The following TDRD5 variants were observed in gnomAD, a reference collection of about 807,000 sequenced individuals.
TDRD5 encodes tudor domain-containing protein 5.
A neutral mutation model predicts 120.6 loss-of-function variants in TDRD5; 41 were observed. The ratio of observed to expected loss-of-function variants is 0.34; its 90% confidence interval spans 0.26 to 0.44. The LOEUF is 0.44. Among genes scored for constraint, TDRD5 ranks in the 20% least tolerant of loss-of-function variants. The pLI is 1.00. For missense variants in TDRD5, 1,006 were observed against 1,221.2 expected (o/e 0.82, Z 2.63); for synonymous variants, 430 against 433.7 (o/e 0.99, Z 0.11).
At chr1:179,599,353 GT>G (rs1486216071) in intron 4 of TDRD5, among the ~76,000 whole-genome samples, 2 of 152,056 alleles carry the variant, frequency 1.3e-5, no homozygotes, top group East Asian at 3.8e-4. Context: ...TGTGAAAGGA[GT>G]TGGGAAGTTT....
chr1:179,592,374 A>G, intron 1 of TDRD5: 1 of 468,812 alleles, frequency 2.1e-6, no homozygotes, highest in Non-Finnish European at 3.9e-6. Flanking sequence ...ACGCCTCCGC[A>G]TGGCCAGGGG....
At chr1:179,645,381 G>A (rs1192080764) in intron 11 of TDRD5, among the ~76,000 whole-genome samples, 1 of 152,074 alleles carries the variant, frequency 6.6e-6, no homozygotes, top group Non-Finnish European at 1.5e-5. Flanking sequence ...CACCGCGCCC[G>A]GCCATAAACA....
chr1:179,656,236 G>T (rs115653490), intron 14 of TDRD5, among the ~76,000 whole-genome samples: 1 of 152,026 alleles, frequency 6.6e-6, no homozygotes, highest in Admixed American at 6.5e-5. Context: ...CACAATTCTT[G>T]GTGAAATTTC....
intron 17 of TDRD5, among the ~76,000 whole-genome samples, chr1:179,671,800 A>T (rs1679867233): frequency 6.6e-6 from 1 of 152,110 alleles, no homozygotes; most frequent in South Asian, 2.1e-4. Flanking sequence ...TTGCGTCCTC[A>T]TAGCTTAGCT....
chr1:179,618,654 G>A lies in TDRD5; in HGVS notation c.887G>A (p.Ser296Asn), dbSNP rs750046375. ...IAQIGPGGTI[S>N]SELKHKIKFV... The stretch of plus-strand genomic sequence containing the variant: ...CAGATTGGACCTGGAGGAACTATCA[G>A]TTCAGAACTAAAACATAAGATAAAA... Residue 296 changes from serine to asparagine, a missense_variant, in exon 5 of 18, where the codon AGT (serine) becomes AAT (asparagine). Ser to Asn is a conservative substitution (Grantham distance 46, BLOSUM62 1). Around this residue, in one of 3 missense-constraint regions of TDRD5, gnomAD observed 445 missense variants for 515.5 expected, o/e 0.86. Coordinates refer to ENST00000444136, the MANE Select transcript of TDRD5 (RefSeq NM_001199085.3). The A allele has an allele frequency of 1.3e-5, 20 of 1,596,014 alleles. 1 individual carries two copies. In the South Asian group the frequency reaches 2.3e-4, roughly 18 times the overall value.
intron 16 of TDRD5, among the ~76,000 whole-genome samples, chr1:179,667,480 A>C (rs1463953563): frequency 1.3e-5 from 2 of 152,170 alleles, no homozygotes; most frequent in Admixed American, 1.3e-4. Context: ...CTGACTAGCA[A>C]GTTTAAACAA....
chr1:179,680,022 T>A (rs2147804737), intron 17 of TDRD5, among the ~76,000 whole-genome samples: 1 of 152,286 alleles, frequency 6.6e-6, no homozygotes, highest in African/African-American at 2.4e-5. Context: ...ATTTTCATTT[T>A]CATTCATTTC....
At chr1:179,620,269 A>G (rs866633692) in intron 5 of TDRD5, among the ~76,000 whole-genome samples, 3 of 152,130 alleles carry the variant, frequency 2.0e-5, no homozygotes, top group African/African-American at 4.8e-5. Flanking sequence ...AGAATTTTGT[A>G]TAAAATATAT....
At chr1:179,653,737 C>T (rs146176348) in intron 13 of TDRD5, among the ~76,000 whole-genome samples, 1 of 152,298 alleles carries the variant, frequency 6.6e-6, no homozygotes, top group African/African-American at 2.4e-5. Context: ...TGTACTTTGA[C>T]ATATTAAGAC....
At chr1:179,667,574 T>A (rs369792656) in intron 16 of TDRD5, among the ~76,000 whole-genome samples, 8 of 151,768 alleles carry the variant, frequency 5.3e-5, no homozygotes, top group Admixed American at 5.2e-4. Context: ...TTTATGATAT[T>A]AATATTGATT....
At chr1:179,601,129 ATTTCT>A (rs1195614943) in intron 4 of TDRD5, among the ~76,000 whole-genome samples, 11 of 74,968 alleles carry the variant, frequency 1.5e-4, no homozygotes, top group African/African-American at 4.8e-4. Context: ...TATGTCATTG[ATTTCT>A]TTTTAACTTT....
At chr1:179,630,200 T>A (rs147401101) in intron 6 of TDRD5, among the ~76,000 whole-genome samples, 1,612 of 152,270 alleles carry the variant, frequency 0.011, 32 homozygotes, top group African/African-American at 0.036. Flanking sequence ...GGTTTCACCG[T>A]GTTAGCCAGG....
intron 8 of TDRD5, 28 bp from the exon 9 acceptor site, chr1:179,635,639 T>C: frequency 6.3e-7 from 1 of 1,595,944 alleles, no homozygotes; most frequent in East Asian, 2.3e-5. Context: ...CACCAAGAGA[T>C]TTTTAATTTT....
At chr1:179,686,064 A>C (rs971739269) in intron 17 of TDRD5, among the ~76,000 whole-genome samples, 4 of 152,200 alleles carry the variant, frequency 2.6e-5, no homozygotes, top group African/African-American at 9.6e-5. Context: ...CCCTGGCCAG[A>C]ACTTCCAATA....
At position 179,686,980 on chromosome 1, in the gene TDRD5, T is replaced by C. The variant is rs561899488; in HGVS notation, c.2861-3716T>C. Among the ~76,000 whole-genome samples, 180 of 152,322 alleles carry C rather than the reference T, an allele frequency of 1.2e-3. 1 individual carries two copies. The highest frequency in any genetic ancestry group is 4.2e-3 in the African/African-American group (175 of 41,574). ...AGTGTTCTATCTCCTTTGTTAATCT[T>C]TTCAAAAAACCAGCTCCTGGATTCA... is the stretch of plus-strand genomic sequence containing the variant. On this transcript the variant is annotated intron_variant, in intron 17 of 17. Transcript: ENST00000444136.
intron 14 of TDRD5, among the ~76,000 whole-genome samples, chr1:179,659,147 G>T (rs1020744450): frequency 6.6e-6 from 1 of 152,078 alleles, no homozygotes; most frequent in Non-Finnish European, 1.5e-5. Flanking sequence ...GTTAAGGTTT[G>T]TTTTGTCAAC....
At chr1:179,597,611 T>G (rs1176088406) in intron 4 of TDRD5, among the ~76,000 whole-genome samples, 1 of 152,232 alleles carries the variant, frequency 6.6e-6, no homozygotes, top group South Asian at 2.1e-4. Flanking sequence ...ATTGCAGATG[T>G]GAGCCACCAC....
intron 16 of TDRD5, among the ~76,000 whole-genome samples, chr1:179,666,574 C>T (rs1292182782): frequency 6.6e-6 from 1 of 152,272 alleles, no homozygotes; most frequent in African/African-American, 2.4e-5. Context: ...TACCTCCCGA[C>T]GTAATTTGTA....
intron 11 of TDRD5, among the ~76,000 whole-genome samples, chr1:179,649,534 G>C (rs886391024): frequency 1.3e-5 from 2 of 151,876 alleles, no homozygotes; most frequent in Non-Finnish European, 1.5e-5. Flanking sequence ...AACCTATGAG[G>C]TTTTTAATTT....
Sources: gnomAD v4.1 joint callset for allele counts (sites outside exome capture counted in the v4.1 genomes callset) on GRCh38, gnomAD v4.1.1 for gene constraint, gnomAD v4.1.1 regional missense constraint, MANE v1.5 for transcripts, NCBI Gene and HGNC (gene_info 2026-07-23, HGNC 2026-07-21) for gene names.